MPDZ: variants seen among roughly 807,000 people sequenced by gnomAD.
The protein encoded by MPDZ is multiple PDZ domain protein.
A neutral mutation model predicts 239.1 loss-of-function variants in MPDZ; 234 were observed. The observed-to-expected ratio is 0.98, with a 90% CI of 0.88 to 1.09. The LOEUF (loss-of-function observed/expected upper bound fraction) is 1.09. MPDZ is among the 50% of genes least tolerant of loss of function. The pLI is 0.00. For synonymous variants in MPDZ, 1,048 were observed against 881.3 expected (o/e 1.19, Z -3.35); for missense variants, 3,175 against 2,510.0 (o/e 1.26, Z -5.66).
chr9:13,250,244 C>T, intron 2 of MPDZ, 56 bp downstream of exon 2: 1 of 1,523,928 alleles, frequency 6.6e-7, no homozygotes, highest in Non-Finnish European at 9.0e-7. Context: ...TGTCAAAAAT[C>T]CCAATGGGAG....
rs927952710 is a variant in MPDZ at position 13,165,493 on chromosome 9, C to T, written c.3255-2698G>A. 16 of 1,487,714 alleles carry T rather than the reference C, an allele frequency of 1.1e-5. No individual in the cohort carries two copies. The South Asian group carries it at 1.5e-4, about 14-fold the overall frequency. 92.2% of individuals were successfully genotyped at this position (1,487,714 alleles called of 1,614,324 possible). On this transcript the variant is annotated intron_variant, in intron 22 of 46. Coordinates refer to ENST00000319217, the MANE Select transcript of MPDZ (RefSeq NM_001378778.1). ...TCTTGTGCTGAATGTGAGATGCATA[C>T]ATATGTAGTTAAAAGTGGGTGCTCC...
intron 32 of MPDZ, among the ~76,000 whole-genome samples, chr9:13,131,963 G>C (rs1032879671): frequency 1.3e-5 from 2 of 152,154 alleles, no homozygotes; most frequent in African/African-American, 4.8e-5. Flanking sequence ...TGCCTCTTCT[G>C]TCTAGCTACT....
At chr9:13,188,128 AT>A (rs1191005615) in intron 17 of MPDZ, among the ~76,000 whole-genome samples, 9 of 152,142 alleles carry the variant, frequency 5.9e-5, no homozygotes, top group African/African-American at 1.9e-4. Flanking sequence ...AATGCTATTA[AT>A]TTTTTTAACA....
rs1254760263 is a variant in MPDZ at position 13,105,710 on chromosome 9, G to T, written c.*1255C>A. ...CAAAAAAAATGCTTGCTGCTTATTT[G>T]TGCACCACTGAAAATTCTTATTTAT... On this transcript the variant is annotated 3_prime_UTR_variant, in exon 47 of 47. Coordinates refer to ENST00000319217, the MANE Select transcript of MPDZ (RefSeq NM_001378778.1). 6.6e-6 allele frequency: 1 copy of T among 152,094 alleles called. No individual in the cohort carries two copies. Among genetic ancestry groups the T allele is most frequent in the Non-Finnish European group, 1.5e-5 (1 of 67,986 alleles). The allele number at this position is 152,094 out of a possible 1,614,324, so 9.4% of individuals were successfully genotyped here. A position where few individuals can be genotyped will look rare whatever the true frequency, so the allele number is the denominator to read the frequency against.
chr9:13,256,975 T>A (rs933044621), intron 1 of MPDZ, among the ~76,000 whole-genome samples: 1 of 152,162 alleles, frequency 6.6e-6, no homozygotes, highest in Non-Finnish European at 1.5e-5. Context: ...TAAGGTCCTA[T>A]GTTTGGTTTC....
chr9:13,186,181 A>G (rs145982829), intron 18 of MPDZ, 89 bp downstream of exon 18: 1 of 620,450 alleles, frequency 1.6e-6, no homozygotes, highest in Non-Finnish European at 2.5e-6. Flanking sequence ...TGAACAAAGA[A>G]TATAATAGAC....
chr9:13,147,530 C>A lies in MPDZ; in HGVS notation c.3741+18G>T. On this transcript the variant is annotated intron_variant, in intron 26 of 46. Coordinates refer to ENST00000319217, the MANE Select transcript of MPDZ (RefSeq NM_001378778.1). ...ACACTGTTTGGATATGCCTACCTTG[C>A]CCTTTGTGTTCGCTTACCCTTGGTC... 3 of 1,579,490 alleles carry A rather than the reference C, an allele frequency of 1.9e-6. No homozygotes were observed. Among genetic ancestry groups the A allele is most frequent in the African/African-American group, 2.7e-5 (2 of 74,136 alleles).
intron 1 of MPDZ, among the ~76,000 whole-genome samples, chr9:13,272,244 G>C (rs1450501238): frequency 6.6e-6 from 1 of 152,106 alleles, no homozygotes; most frequent in Non-Finnish European, 1.5e-5. Context: ...GGCTGAATAG[G>C]TTGACTTTAG....
At chr9:13,139,845 A>C in intron 28 of MPDZ, 142 bp downstream of exon 28, 1 of 997,326 alleles carries the variant, frequency 1.0e-6, no homozygotes, top group Non-Finnish European at 1.6e-6. Context: ...CAAGCAAAAC[A>C]AACACTATTT....
At chr9:13,224,229 A>C in intron 4 of MPDZ, 145 bp downstream of exon 4, 1 of 678,788 alleles carries the variant, frequency 1.5e-6, no homozygotes, top group Non-Finnish European at 2.4e-6. Flanking sequence ...CGTCTGAACC[A>C]TCTAAACTCC....
At chr9:13,190,941 A>C (rs2134994695) in intron 15 of MPDZ, among the ~76,000 whole-genome samples, 1 of 152,282 alleles carries the variant, frequency 6.6e-6, no homozygotes, top group South Asian at 2.1e-4. Context: ...TAACATATAT[A>C]AAGCATCAGA....
intron 19 of MPDZ, among the ~76,000 whole-genome samples, chr9:13,180,937 T>C (rs1305572277): frequency 6.6e-6 from 1 of 152,202 alleles, no homozygotes; most frequent in East Asian, 1.9e-4. Context: ...AACATATGGC[T>C]ACAGCCCTTT....
intron 19 of MPDZ, among the ~76,000 whole-genome samples, chr9:13,179,469 C>T (rs914684146): frequency 2.0e-5 from 3 of 152,098 alleles, no homozygotes; most frequent in African/African-American, 7.2e-5. Flanking sequence ...AAGGAGTTAA[C>T]ACAGACACAC....
intron 1 of MPDZ, among the ~76,000 whole-genome samples, chr9:13,272,419 G>A (rs1000398765): frequency 6.6e-6 from 1 of 152,122 alleles, no homozygotes; most frequent in Non-Finnish European, 1.5e-5. Context: ...TCAGAATGAA[G>A]AGCCATTCCA....
intron 35 of MPDZ, among the ~76,000 whole-genome samples, chr9:13,124,413 A>G (rs1277829714): frequency 1.3e-5 from 2 of 152,212 alleles, no homozygotes; most frequent in Non-Finnish European, 2.9e-5. Context: ...AAAAACTGTT[A>G]AAAGAACAGT....
chr9:13,237,784 T>C (rs1228650194), intron 3 of MPDZ, among the ~76,000 whole-genome samples: 13 of 152,156 alleles, frequency 8.5e-5, no homozygotes, highest in Admixed American at 8.5e-4. Flanking sequence ...GCTTGACACC[T>C]TTCCATAACT....
intron 10 of MPDZ, among the ~76,000 whole-genome samples, chr9:13,215,361 AAT>A (rs1958165667): frequency 6.6e-6 from 1 of 151,410 alleles, no homozygotes; most frequent in African/African-American, 2.4e-5. Context: ...TATATATATC[AAT>A]ATGTGTGTAT....
intron 9 of MPDZ, 55 bp from the exon 10 acceptor site, chr9:13,216,917 T>C: frequency 7.4e-7 from 1 of 1,345,530 alleles, no homozygotes; most frequent in Non-Finnish European, 1.0e-6. Flanking sequence ...TCAAAGAATA[T>C]CCATCTTCGA....
rs1941392251 is a variant in MPDZ at position 13,105,813 on chromosome 9, T to C, written c.*1152A>G. 6.6e-6 allele frequency: 1 copy of C among 152,242 alleles called. No homozygotes were observed. The highest frequency in any genetic ancestry group is 2.1e-4 in the South Asian group (1 of 4,838). The allele number at this position is 152,242 out of a possible 1,614,324, so 9.4% of individuals were successfully genotyped here. Reference sequence around the variant, plus strand: ...TACTTCTGTTACAAATATAGATATTTAAAGTGACTTTATATATTCTAATGT... The same window carrying C: ...TACTTCTGTTACAAATATAGATATTCAAAGTGACTTTATATATTCTAATGT... On this transcript the variant is annotated 3_prime_UTR_variant, in exon 47 of 47. Coordinates refer to ENST00000319217, the MANE Select transcript of MPDZ (RefSeq NM_001378778.1).
Sources: gnomAD v4.1 joint callset for allele counts (sites outside exome capture counted in the v4.1 genomes callset) on GRCh38, gnomAD v4.1.1 for gene constraint, MANE v1.5 for transcripts, NCBI Gene and HGNC (gene_info 2026-07-23, HGNC 2026-07-21) for gene names.